COL4A6: variants seen among roughly 807,000 people sequenced by gnomAD.
COL4A6 encodes the protein collagen type IV alpha 6 chain.
In COL4A6, 59 loss-of-function variants were observed where a neutral mutation model predicts 126.7. That is an observed-to-expected ratio of 0.47 (90% CI 0.38 to 0.58). The LOEUF is 0.58. COL4A6 is among the 20% of genes least tolerant of loss of function. The probability of loss-of-function intolerance (pLI) is 0.00; values close to 1 mark genes in which losing one functional copy is unlikely to be tolerated. For missense variants in COL4A6, 1,285 were observed against 1,337.3 expected, an observed-to-expected ratio of 0.96 and a Z score of 0.61; for synonymous variants, 547 against 496.6, an observed-to-expected ratio of 1.10 and a Z score of -1.35.
At chrX:108,204,132 C>A (rs1231844594) in intron 12 of COL4A6, among the ~76,000 whole-genome samples, 188 bp downstream of exon 12, 1 of 112,086 alleles carries the variant, frequency 8.9e-6, no homozygotes, top group African/African-American at 3.2e-5. Context: ...GAAACATACT[C>A]AGCCTTTTAA....
At chrX:108,350,237 T>A (rs1390097133) in intron 2 of COL4A6, among the ~76,000 whole-genome samples, 2 of 112,200 alleles carry the variant, frequency 1.8e-5, no homozygotes, top group East Asian at 5.6e-4. Context: ...CTAAATTCAA[T>A]AATTTTCTAC....
At chrX:108,389,461 A>G (rs776115551) in intron 2 of COL4A6, among the ~76,000 whole-genome samples, 2 of 111,182 alleles carry the variant, frequency 1.8e-5, no homozygotes, top group Non-Finnish European at 3.8e-5. Context: ...TCCCTTTACC[A>G]TTATATAATG....
chrX:108,355,470 T>A (rs192469555), intron 2 of COL4A6, among the ~76,000 whole-genome samples: 22 of 112,662 alleles, frequency 2.0e-4, no homozygotes, highest in African/African-American at 6.1e-4. Flanking sequence ...CATTGCCACA[T>A]GCTATTTGGT....
chrX:108,297,674 C>A (rs976221176), intron 3 of COL4A6, among the ~76,000 whole-genome samples: 1 of 111,591 alleles, frequency 9.0e-6, no homozygotes, highest in Non-Finnish European at 1.9e-5. Flanking sequence ...ACTGCCCTTA[C>A]TTGTATTCCC....
At chrX:108,343,090 A>T in intron 2 of COL4A6, among the ~76,000 whole-genome samples, 1 of 103,768 alleles carries the variant, frequency 9.6e-6, no homozygotes, top group East Asian at 3.0e-4. Context: ...TATAATAAAT[A>T]CTACAAAGGA....
Position 108,298,359 on chromosome X carries a change from C to T in COL4A6, c.144+12389G>A, listed in dbSNP as rs752535706. Among the ~76,000 whole-genome samples, 58 of 112,652 alleles carry T rather than the reference C, an allele frequency of 5.1e-4. 1 individual carries two copies. Among genetic ancestry groups the T allele is most frequent in the Admixed American group, 1.4e-3 (15 of 10,807 alleles). ...GCCGTGGCCTGGCTTGGTGGGGCGG[C>T]GGGTCAGACAGGGCATTGTCCAGGG... On this transcript the variant is annotated intron_variant, in intron 3 of 44. Coordinates refer to ENST00000334504, the MANE Select transcript of COL4A6 (RefSeq NM_033641.4).
rs764946097 is a variant in COL4A6, at chrX:108,165,025, G to A, written c.3822C>T (p.Pro1274=). 39 of 1,205,154 alleles carry A rather than the reference G, an allele frequency of 3.2e-5. No homozygotes were observed. The highest frequency in any genetic ancestry group is 2.3e-4 in the Middle Eastern group (1 of 4,267). Reference sequence around the variant, plus strand: ...GCCCAGGGGGACCTGGGGGTCCAGCGGGGCCTGGGCGGCCTAGGGATAAGA... The same window carrying A: ...GCCCAGGGGGACCTGGGGGTCCAGCAGGGCCTGGGCGGCCTAGGGATAAGA... ...GLDGERGRPG[P]AGPPGPPGPS... Residue 1274 remains proline (P), a synonymous_variant, in exon 39 of 45, where the codon CCC becomes CCT. Transcript: ENST00000334504.
chrX:108,190,279 C>G (rs886804509), intron 20 of COL4A6, 113 bp downstream of exon 20: 30 of 502,347 alleles, frequency 6.0e-5, no homozygotes, highest in Non-Finnish European at 1.0e-4. Flanking sequence ...AAGCCCCAAA[C>G]AAGATCCACA....
intron 3 of COL4A6, among the ~76,000 whole-genome samples, chrX:108,275,618 C>T (rs1440686873): frequency 8.9e-6 from 1 of 112,805 alleles, no homozygotes; most frequent in Non-Finnish European, 1.9e-5. Context: ...TTGGCTCTTG[C>T]CACATTCTAA....
chrX:108,279,958 A>C (rs1416312405), intron 3 of COL4A6, among the ~76,000 whole-genome samples: 4 of 111,386 alleles, frequency 3.6e-5, no homozygotes, highest in Admixed American at 9.5e-5. Context: ...GAACAAAGAC[A>C]CAACATACCA....
At chrX:108,373,600 C>T (rs2040373168) in intron 2 of COL4A6, among the ~76,000 whole-genome samples, 1 of 111,222 alleles carries the variant, frequency 9.0e-6, no homozygotes, top group Admixed American at 9.6e-5. Flanking sequence ...TTACTCCACC[C>T]CCATCCCTGA....
At chrX:108,218,127 C>T (rs2035913098) in intron 5 of COL4A6, among the ~76,000 whole-genome samples, 1 of 112,342 alleles carries the variant, frequency 8.9e-6, no homozygotes, top group African/African-American at 3.2e-5. Flanking sequence ...CTTAGCCTCA[C>T]AGGATTCACT....
chrX:108,162,741 C>A, intron 41 of COL4A6, 151 bp downstream of exon 41: 1 of 639,195 alleles, frequency 1.6e-6, no homozygotes, highest in Middle Eastern at 3.8e-4. Flanking sequence ...GCTGGCCCTT[C>A]TTCTCCCCAA....
At chrX:108,262,095 C>T (rs1186859563) in intron 3 of COL4A6, among the ~76,000 whole-genome samples, 1 of 111,818 alleles carries the variant, frequency 8.9e-6, no homozygotes, top group East Asian at 2.8e-4. Context: ...GTTTACAAGG[C>T]TGGTGAGGCT....
At chrX:108,378,717 G>A (rs1182169482) in intron 2 of COL4A6, among the ~76,000 whole-genome samples, 1 of 113,108 alleles carries the variant, frequency 8.8e-6, no homozygotes, top group East Asian at 2.7e-4. Context: ...GCCCTCAGAT[G>A]TAAAGGATTC....
At chrX:108,347,120 T>C (rs1355472787) in intron 2 of COL4A6, among the ~76,000 whole-genome samples, 1 of 112,373 alleles carries the variant, frequency 8.9e-6, no homozygotes, top group Non-Finnish European at 1.9e-5. Context: ...CCGAAGCCCA[T>C]CCTGGCAGCA....
At chrX:108,399,946 T>C (rs765162034) in intron 2 of COL4A6, among the ~76,000 whole-genome samples, 2 of 111,556 alleles carry the variant, frequency 1.8e-5, no homozygotes, top group East Asian at 5.7e-4. Flanking sequence ...TTTTAGTGCC[T>C]GAAAGCCATT....
chrX:108,280,486 A>G (rs1352684232), intron 3 of COL4A6, among the ~76,000 whole-genome samples: 1 of 112,120 alleles, frequency 8.9e-6, no homozygotes, highest in African/African-American at 3.2e-5. Context: ...AGGCTCTGAA[A>G]TTGTGGCAAT....
At chrX:108,261,681 T>G (rs2037167000) in intron 3 of COL4A6, among the ~76,000 whole-genome samples, 2 of 111,593 alleles carry the variant, frequency 1.8e-5, no homozygotes, top group Admixed American at 1.9e-4. Flanking sequence ...CACACTTGTA[T>G]TTCAGAGAGA....
Sources: gnomAD v4.1 joint callset for allele counts (sites outside exome capture counted in the v4.1 genomes callset) on GRCh38, gnomAD v4.1.1 for gene constraint, MANE v1.5 for transcripts, NCBI Gene and HGNC (gene_info 2026-07-23, HGNC 2026-07-21) for gene names.